Variants in SLC30A8 observed in about 807,000 individuals in gnomAD.
The protein encoded by SLC30A8 is solute carrier family 30 member 8, also known as proton-coupled zinc antiporter SLC30A8.
Under a neutral mutation model 36.9 loss-of-function variants are expected in SLC30A8, and 27 were observed. That is an observed-to-expected ratio of 0.73 (90% CI 0.54 to 1.01). The LOEUF is 1.01. Ranked by LOEUF, SLC30A8 falls within the 50% of genes least tolerant of loss-of-function variation. SLC30A8 has a pLI of 0.00. For synonymous variants in SLC30A8, 164 were observed against 172.4 expected (o/e 0.95, Z 0.38); for missense variants, 439 against 452.0 (o/e 0.97, Z 0.26).
intron 1 of SLC30A8, among the ~76,000 whole-genome samples, chr8:116,952,326 CT>C (rs934425194): frequency 6.6e-6 from 1 of 152,114 alleles, no homozygotes; most frequent in African/African-American, 2.4e-5. Flanking sequence ...TAAAATTTAA[CT>C]TTTATTATAG....
Position 117,172,595 on chromosome 8 carries a change from T to A in SLC30A8, c.1024T>A (p.Phe342Ile), listed in dbSNP as rs1823438953. Reference sequence around the variant, plus strand: ...AATTGCTAAAGCCCTTAGCAAAAGCTTTACGATGCACTCACTCACCATTCA... The same window carrying A: ...AATTGCTAAAGCCCTTAGCAAAAGCATTACGATGCACTCACTCACCATTCA... ...REIAKALSKSFTMHSLTIQME... is the reference protein window; with the variant it reads ...REIAKALSKSITMHSLTIQME... Residue 342 changes from phenylalanine (F) to isoleucine (I), a missense_variant, in exon 8 of 8, where the codon TTT becomes ATT. Physicochemically the swap from Phe to Ile is conservative, Grantham distance 21. Transcript: ENST00000456015. 6.2e-7 allele frequency: 1 copy of A among 1,613,624 alleles called. No individual in the cohort carries two copies. The highest frequency in any genetic ancestry group is 2.2e-5 in the East Asian group (1 of 44,882).
intron 2 of SLC30A8, among the ~76,000 whole-genome samples, chr8:117,083,438 G>A (rs1251616799): frequency 6.6e-6 from 1 of 152,156 alleles, no homozygotes; most frequent in African/African-American, 2.4e-5. Flanking sequence ...CAGGTCCCTT[G>A]CCTTAAGGTG....
intron 1 of SLC30A8, among the ~76,000 whole-genome samples, chr8:117,004,823 T>C (rs1816120623): frequency 6.6e-6 from 1 of 152,178 alleles, no homozygotes; most frequent in African/African-American, 2.4e-5. Flanking sequence ...AACTATATAA[T>C]AGTAGCAAAT....
chr8:117,139,279 G>A (rs1821523790), intron 1 of SLC30A8, among the ~76,000 whole-genome samples: 1 of 152,042 alleles, frequency 6.6e-6, no homozygotes, highest in African/African-American at 2.4e-5. Context: ...AAGGTTAATT[G>A]GGGTTATAAG....
intron 2 of SLC30A8, among the ~76,000 whole-genome samples, chr8:117,108,402 A>G (rs571838115): frequency 2.0e-5 from 3 of 152,308 alleles, no homozygotes; most frequent in South Asian, 4.1e-4. Context: ...AGACTTTTCT[A>G]ATTTTATTTG....
intron 1 of SLC30A8, among the ~76,000 whole-genome samples, chr8:117,141,849 G>C (rs1821668279): frequency 1.3e-5 from 2 of 152,146 alleles, no homozygotes; most frequent in Admixed American, 1.3e-4. Flanking sequence ...TTAATAATCT[G>C]TGCATTCATC....
At chr8:117,163,377 AAG>A in intron 5 of SLC30A8, 46 bp from the exon 6 acceptor site, 1 of 1,396,286 alleles carries the variant, frequency 7.2e-7, no homozygotes, top group Non-Finnish European at 1.0e-6. Flanking sequence ...GACTTTCTGA[AAG>A]AGAGGTATGA....
chr8:116,961,437 T>C (rs940712345), intron 1 of SLC30A8, among the ~76,000 whole-genome samples: 16 of 151,156 alleles, frequency 1.1e-4, no homozygotes, highest in Admixed American at 3.9e-4. Flanking sequence ...TCAAAACAAA[T>C]AAATAAATAA....
chr8:117,094,769 C>T (rs1215022068), intron 2 of SLC30A8, among the ~76,000 whole-genome samples: 2 of 152,228 alleles, frequency 1.3e-5, no homozygotes, highest in Non-Finnish European at 2.9e-5. Flanking sequence ...CTGCCTCCTG[C>T]TGTCATTCAT....
intron 1 of SLC30A8, among the ~76,000 whole-genome samples, chr8:116,994,268 T>C (rs1300665523): frequency 6.6e-6 from 1 of 152,062 alleles, no homozygotes; most frequent in Non-Finnish European, 1.5e-5. Context: ...AATCTGAATA[T>C]ATGCAGGCCC....
Position 117,044,893 on chromosome 8 carries a change from C to T in SLC30A8, c.-226+5635C>T, listed in dbSNP as rs549452389. 4.6e-5 allele frequency among the ~76,000 whole-genome samples: 7 copies of T among 152,278 alleles called. No individual in the cohort carries two copies. In the South Asian group the frequency reaches 1.0e-3, roughly 23 times the overall value. On this transcript the variant is annotated intron_variant, in intron 2 of 10. Coordinates refer to the SLC30A8 transcript ENST00000427715. ...GCAGGCTCCTGCTGCCATCTTGTGG[C>T]GAGAAGGCGCCTTCTGCCTCAGAAC...
At chr8:116,993,298 A>C (rs909851118) in intron 1 of SLC30A8, among the ~76,000 whole-genome samples, 1 of 152,086 alleles carries the variant, frequency 6.6e-6, no homozygotes, top group Non-Finnish European at 1.5e-5. Flanking sequence ...TAGGAAGTCC[A>C]CATTTTAGGA....
intron 2 of SLC30A8, among the ~76,000 whole-genome samples, chr8:117,085,582 C>T (rs1186760943): frequency 6.6e-6 from 1 of 152,118 alleles, no homozygotes; most frequent in African/African-American, 2.4e-5. Flanking sequence ...ATATGAGACC[C>T]CTGCCTAGAC....
At chr8:117,080,062 G>A (rs760892342) in intron 2 of SLC30A8, among the ~76,000 whole-genome samples, 2 of 152,082 alleles carry the variant, frequency 1.3e-5, no homozygotes, top group Admixed American at 6.5e-5. Context: ...GACAAGGAGC[G>A]AACTCAGAAT....
chr8:117,063,812 T>C (rs1430249500), intron 2 of SLC30A8, among the ~76,000 whole-genome samples: 2 of 152,054 alleles, frequency 1.3e-5, no homozygotes, highest in African/African-American at 2.4e-5. Context: ...TGAGACACAT[T>C]TGACATGTGA....
chr8:117,149,865 A>G (rs1291017683), intron 2 of SLC30A8, among the ~76,000 whole-genome samples: 1 of 152,184 alleles, frequency 6.6e-6, no homozygotes, highest in East Asian at 1.9e-4. Flanking sequence ...CTGTCCCAGC[A>G]GCTCAGGGTT....
chr8:116,991,697 T>C (rs937303198), intron 1 of SLC30A8, among the ~76,000 whole-genome samples: 1 of 152,226 alleles, frequency 6.6e-6, no homozygotes, highest in African/African-American at 2.4e-5. Flanking sequence ...AATAAAAGAT[T>C]TGCCATGACA....
chr8:117,073,894 A>G (rs1385708407), intron 2 of SLC30A8, among the ~76,000 whole-genome samples: 1 of 152,074 alleles, frequency 6.6e-6, no homozygotes, highest in African/African-American at 2.4e-5. Flanking sequence ...TAGGGTTGAT[A>G]CGTGGGACCT....
chr8:117,020,598 T>TG (rs1167101276), intron 1 of SLC30A8, among the ~76,000 whole-genome samples: 30 of 152,300 alleles, frequency 2.0e-4, no homozygotes, highest in African/African-American at 7.2e-4. Context: ...ACCATTGCTG[T>TG]GAAAAAAAGA....
Sources: allele counts gnomAD v4.1 joint callset (sites outside exome capture counted in the v4.1 genomes callset), GRCh38; gene constraint gnomAD v4.1.1; transcripts MANE v1.5; gene names NCBI Gene and HGNC (gene_info 2026-07-23, HGNC 2026-07-21).